Variants in STK24 observed in about 807,000 individuals in gnomAD.
STK24 encodes the protein serine/threonine-protein kinase 24.
In STK24, 21 loss-of-function variants were observed where a neutral mutation model predicts 55.6. That is an observed-to-expected ratio of 0.38 (90% CI 0.27 to 0.54). The LOEUF (loss-of-function observed/expected upper bound fraction) is 0.54. Ranked by LOEUF, STK24 falls within the 20% of genes least tolerant of loss-of-function variation. The pLI, the probability that STK24 is intolerant of heterozygous loss-of-function variation, is 0.79. For missense variants in STK24, 383 were observed against 538.4 expected, an observed-to-expected ratio of 0.71 and a Z score of 2.86; for synonymous variants, 200 against 215.2, an observed-to-expected ratio of 0.93 and a Z score of 0.62.
intron 1 of STK24, chr13:98,576,052 A>G (rs1897881004): frequency 1.0e-6 from 1 of 985,130 alleles, no homozygotes. Flanking sequence ...TCTCAAAGTG[A>G]AAGTCCAGGG....
chr13:98,562,731 C>T (rs1338667300), intron 1 of STK24, among the ~76,000 whole-genome samples: 1 of 151,648 alleles, frequency 6.6e-6, no homozygotes, highest in East Asian at 1.9e-4. Flanking sequence ...CTGGCTAGCG[C>T]GGTGAAACCC....
At chr13:98,502,694 A>T (rs1179565719) in intron 2 of STK24, among the ~76,000 whole-genome samples, 2 of 152,212 alleles carry the variant, frequency 1.3e-5, no homozygotes, top group Non-Finnish European at 2.9e-5. Flanking sequence ...TGACACAGCA[A>T]GAAAGCCCTC....
intron 1 of STK24, among the ~76,000 whole-genome samples, chr13:98,522,292 C>A (rs1428917034): frequency 2.0e-5 from 3 of 152,230 alleles, no homozygotes; most frequent in Non-Finnish European, 4.4e-5. Flanking sequence ...TGGGCCTCTA[C>A]TCCTTCTCCC....
At chr13:98,494,130 G>A (rs1274188330) in intron 2 of STK24, among the ~76,000 whole-genome samples, 3 of 144,930 alleles carry the variant, frequency 2.1e-5, no homozygotes, top group Non-Finnish European at 4.5e-5. Context: ...GAAGTGCCTC[G>A]GCCGGGCACG....
chr13:98,517,090 C>G (rs575867393), intron 2 of STK24, among the ~76,000 whole-genome samples: 1 of 152,334 alleles, frequency 6.6e-6, no homozygotes, highest in East Asian at 1.9e-4. Flanking sequence ...ACCACTGATC[C>G]TTAATTTCCA....
Position 98,528,753 on chromosome 13 carries a change from C to G in STK24, c.43-9280G>C, listed in dbSNP as rs533413888. Among the ~76,000 whole-genome samples, 128 of 152,344 alleles carry G rather than the reference C, an allele frequency of 8.4e-4. 1 individual carries two copies. Among genetic ancestry groups the G allele is most frequent in the African/African-American group, 2.8e-3 (115 of 41,576 alleles). ...CTCAGCTCCAAATGTACCACTTGCA[C>G]AGTCAAACCACACTCAACTACTCTG... On this transcript the variant is annotated intron_variant, in intron 1 of 10. Transcript: ENST00000539966.
intron 2 of STK24, among the ~76,000 whole-genome samples, chr13:98,517,556 G>A (rs1197777930): frequency 2.0e-5 from 3 of 152,142 alleles, no homozygotes; most frequent in Non-Finnish European, 2.9e-5. Context: ...CTTGAACCCG[G>A]GAGGCGGAGG....
At chr13:98,492,840 A>G (rs564362637) in intron 2 of STK24, among the ~76,000 whole-genome samples, 185 of 152,336 alleles carry the variant, frequency 1.2e-3, no homozygotes, top group African/African-American at 4.4e-3. Context: ...ATGCCTGCAC[A>G]TGGCAAGGAA....
At chr13:98,462,018 C>G in intron 7 of STK24, 121 bp from the exon 8 acceptor site, 1 of 1,201,928 alleles carries the variant, frequency 8.3e-7, no homozygotes, top group Non-Finnish European at 1.2e-6. Context: ...CCCAAGTCCC[C>G]ACCCATCACA....
intron 9 of STK24, 138 bp from the exon 10 acceptor site, chr13:98,457,442 G>C (rs1053317029): frequency 2.5e-6 from 3 of 1,176,484 alleles, no homozygotes; most frequent in Non-Finnish European, 2.4e-6. Context: ...GCTTTGGCTA[G>C]GGCTCCAGGC....
At chr13:98,575,399 T>TTA (rs778672408) in intron 1 of STK24, among the ~76,000 whole-genome samples, 19 of 147,128 alleles carry the variant, frequency 1.3e-4, no homozygotes, top group African/African-American at 3.8e-4. Flanking sequence ...TATATACTGC[T>TTA]TATATATACA....
At chr13:98,534,547 C>T (rs761519453) in intron 1 of STK24, among the ~76,000 whole-genome samples, 16 of 152,286 alleles carry the variant, frequency 1.1e-4, no homozygotes, top group African/African-American at 3.6e-4. Flanking sequence ...TTAGGGGTCA[C>T]GCAGGCCGGA....
chr13:98,484,177 T>TCA (rs771816648), intron 2 of STK24, among the ~76,000 whole-genome samples: 13 of 152,138 alleles, frequency 8.5e-5, no homozygotes, highest in Non-Finnish European at 1.3e-4. Context: ...CACCTTCATC[T>TCA]CACACACACG....
At chr13:98,538,271 G>A (rs1165083729) in intron 1 of STK24, among the ~76,000 whole-genome samples, 1 of 130,156 alleles carries the variant, frequency 7.7e-6, no homozygotes, top group East Asian at 2.4e-4. Context: ...TGTTGACCAG[G>A]CTTGAGTACG....
At chr13:98,498,934 T>C (rs1895344516) in intron 2 of STK24, among the ~76,000 whole-genome samples, 1 of 151,656 alleles carries the variant, frequency 6.6e-6, no homozygotes, top group Non-Finnish European at 1.5e-5. Flanking sequence ...CATTCATGAT[T>C]CCATCCTCAA....
intron 1 of STK24, among the ~76,000 whole-genome samples, chr13:98,536,289 A>G (rs190109270): frequency 7.2e-5 from 11 of 152,248 alleles, no homozygotes; most frequent in Non-Finnish European, 1.2e-4. Flanking sequence ...AACACACTTC[A>G]GTAGGGGCCA....
At chr13:98,562,386 C>T (rs1174982684) in intron 1 of STK24, among the ~76,000 whole-genome samples, 3 of 152,120 alleles carry the variant, frequency 2.0e-5, no homozygotes, top group Non-Finnish European at 4.4e-5. Flanking sequence ...AAACGGGACT[C>T]GCACACCACA....
In STK24 at chr13:98,544,546, G is replaced by A. The variant is rs543385313; in HGVS notation, c.43-25073C>T. Among the ~76,000 whole-genome samples the A allele has an allele frequency of 5.3e-5, 8 of 152,338 alleles. No homozygotes were observed. In the East Asian group the frequency reaches 5.8e-4, roughly 11 times the overall value. The stretch of plus-strand genomic sequence containing the variant: ...CAGCCGGCAGAAGGCAGGGCAGGCC[G>A]GAGAGGAGAGGACAGAGCCGCCCGC... On this transcript the variant is annotated intron_variant, in intron 1 of 10. Transcript: ENST00000539966.
At chr13:98,506,734 G>A (rs1467528362) in intron 2 of STK24, among the ~76,000 whole-genome samples, 3 of 152,172 alleles carry the variant, frequency 2.0e-5, no homozygotes, top group South Asian at 2.1e-4. Context: ...GAGCATCGGC[G>A]AAGCACTAAA....
Sources: allele counts gnomAD v4.1 joint callset (sites outside exome capture counted in the v4.1 genomes callset), GRCh38; gene constraint gnomAD v4.1.1; transcripts MANE v1.5; gene names NCBI Gene and HGNC (gene_info 2026-07-23, HGNC 2026-07-21).